The following TTC19 variants were observed in gnomAD, a reference collection of about 807,000 sequenced individuals.
TTC19 encodes tetratricopeptide repeat domain 19, also known as tetratricopeptide repeat protein 19, mitochondrial.
In TTC19, 38 loss-of-function variants were observed where a neutral mutation model predicts 49.5. The ratio of observed to expected loss-of-function variants is 0.77; its 90% confidence interval spans 0.59 to 1.01. The LOEUF is 1.01. Ranked by LOEUF, TTC19 falls within the 50% of genes least tolerant of loss-of-function variation. The pLI is 0.00. For synonymous variants in TTC19, 204 were observed against 185.2 expected, an observed-to-expected ratio of 1.10 and a Z score of -0.83; for missense variants, 475 against 477.7, an observed-to-expected ratio of 0.99 and a Z score of 0.05.
Position 16,002,003 on chromosome 17 carries a change from C to G in TTC19, c.401C>G (p.Ala134Gly). 1 of 1,612,108 alleles carries G rather than the reference C, an allele frequency of 6.2e-7. No homozygotes were observed. The highest frequency in any genetic ancestry group is 8.5e-7 in the Non-Finnish European group (1 of 1,179,460). The change falls in exon 3 of 10, where the codon GCC becomes GGC. Residue 134 changes from alanine (A) to glycine (G), a missense_variant. Physicochemically the swap from Ala to Gly is moderately conservative, Grantham distance 60 (BLOSUM62 0). Coordinates refer to ENST00000261647, the MANE Select transcript of TTC19 (RefSeq NM_017775.4). ...GCCTATCAGACTGATAACAAGAAGG[C>G]CATCACTTACACTTATGATTTGGTA... ...RLAYQTDNKK[A>G]ITYTYDLMAN...
At chr17:16,002,615 T>G (rs760255448) in intron 3 of TTC19, 178 bp from the exon 4 acceptor site, 1 of 653,388 alleles carries the variant, frequency 1.5e-6, no homozygotes, top group African/African-American at 1.8e-5. Flanking sequence ...TGTGCAAGTA[T>G]TTAATTCTCA....
intron 7 of TTC19, among the ~76,000 whole-genome samples, chr17:16,021,769 C>CT (rs1273077960): frequency 5.3e-5 from 8 of 152,074 alleles, no homozygotes; most frequent in Non-Finnish European, 1.2e-4. Flanking sequence ...ATGAGGCCTG[C>CT]TTTTTTACTG....
intron 2 of TTC19, among the ~76,000 whole-genome samples, chr17:16,036,243 C>A (rs2056341784): frequency 6.6e-6 from 1 of 152,108 alleles, no homozygotes; most frequent in South Asian, 2.1e-4. Context: ...TGTTAATGAG[C>A]AGTATTGAAA....
chr17:16,032,453 G>C, downstream of TTC19: 2 of 1,609,818 alleles, frequency 1.2e-6, no homozygotes, highest in Non-Finnish European at 1.7e-6. Flanking sequence ...CATCCGCATA[G>C]TCAGAGGGTT....
chr17:16,006,542 A>G lies in TTC19; in HGVS notation c.650A>G (p.Lys217Arg). 1 of 1,612,100 alleles carries G rather than the reference A, an allele frequency of 6.2e-7. No homozygotes were observed. Among genetic ancestry groups the G allele is most frequent in the African/African-American group, 1.3e-5 (1 of 75,040 alleles). ...STLEEKIEREKELAEDIMSVE... is the reference protein window; with the variant it reads ...STLEEKIERERELAEDIMSVE... Reference sequence around the variant, plus strand: ...CTAGAGGAAAAAATTGAAAGAGAAAAGGAATTAGCAGAAGACATTATGTCA... The same window carrying G: ...CTAGAGGAAAAAATTGAAAGAGAAAGGGAATTAGCAGAAGACATTATGTCA... Residue 217 changes from lysine (K) to arginine (R), a missense_variant, in exon 7 of 10, where the codon AAG (lysine) becomes AGG (arginine). Physicochemically the swap from Lys to Arg is conservative, Grantham distance 26. Coordinates refer to ENST00000261647, the MANE Select transcript of TTC19 (RefSeq NM_017775.4).
rs1046412437 is a variant in TTC19 at position 16,002,917 on chromosome 17, T to C, written c.462+86T>C. ...ATAGTAAGAGTACAGGCTAAGCTGC[T>C]ATAACAAAGAGACCCTAGAATATAG... On this transcript the variant is annotated intron_variant, in intron 4 of 9. Coordinates refer to ENST00000261647, the MANE Select transcript of TTC19 (RefSeq NM_017775.4). 18 of 1,261,856 alleles carry C rather than the reference T, an allele frequency of 1.4e-5. No homozygotes were observed. The Admixed American group carries it at 1.9e-4, about 13-fold the overall frequency. 78.2% of individuals were successfully genotyped at this position (1,261,856 alleles called of 1,614,324 possible).
Position 16,006,480 on chromosome 17 carries a change from A to C in TTC19, c.588A>C (p.Glu196Asp). ...TATTGATTTTGCTTTACAGACAGGA[A>C]TTTGCTGTTGCTGGCTATGAATTCT... Reference protein sequence around the residue: ...ASIYAAQNRQEFAVAGYEFCI... With the variant: ...ASIYAAQNRQDFAVAGYEFCI... The change falls in exon 7 of 10, where the codon GAA becomes GAC. Residue 196 changes from glutamate (E) to aspartate (D), a missense_variant. By Grantham distance (45) the Glu-to-Asp change is conservative (BLOSUM62 2). Coordinates refer to ENST00000261647, the MANE Select transcript of TTC19 (RefSeq NM_017775.4). 2 of 1,609,918 alleles carry C rather than the reference A, an allele frequency of 1.2e-6. No individual in the cohort carries two copies. Among genetic ancestry groups the C allele is most frequent in the Non-Finnish European group, 1.7e-6 (2 of 1,176,452 alleles).
chr17:16,005,752 C>T lies in TTC19; in HGVS notation c.582-722C>T, dbSNP rs1033556120. ...AAAGAAATATAAAATGACTAAAGCT[C>T]CTCAGAAGCTGTATGAGGTCAACAG... On this transcript the variant is annotated intron_variant, in intron 6 of 9. Transcript: ENST00000261647. Among the ~76,000 whole-genome samples the T allele has an allele frequency of 5.3e-5, 8 of 152,148 alleles. No individual in the cohort carries two copies. In the South Asian group the frequency reaches 1.2e-3, roughly 24 times the overall value.
At chr17:16,030,982 T>G (rs192735281), downstream of TTC19, 106 of 196,874 alleles carry the variant, frequency 5.4e-4, 1 homozygote, top group East Asian at 7.5e-3. Context: ...CCCAAAACTG[T>G]TAGTATCTAT....
At chr17:16,010,805 A>ATT (rs1318581999) in intron 7 of TTC19, among the ~76,000 whole-genome samples, 1 of 152,148 alleles carries the variant, frequency 6.6e-6, no homozygotes, top group Non-Finnish European at 1.5e-5. Context: ...TTCCTCTGGT[A>ATT]TTTACCTTCA....
chr17:16,019,579 G>A (rs1056764375), intron 7 of TTC19, among the ~76,000 whole-genome samples: 5 of 119,530 alleles, frequency 4.2e-5, no homozygotes, highest in African/African-American at 2.0e-4. Flanking sequence ...ACTGGGGTGA[G>A]GGGTAAGTTG....
At chr17:16,021,672 G>A (rs941726036) in intron 7 of TTC19, among the ~76,000 whole-genome samples, 2 of 152,178 alleles carry the variant, frequency 1.3e-5, no homozygotes, top group African/African-American at 4.8e-5. Flanking sequence ...ACAGGTACAA[G>A]ACTCTGAGGT....
At chr17:16,042,235 A>T (rs2057848206) in intron 2 of TTC19, among the ~76,000 whole-genome samples, 1 of 152,216 alleles carries the variant, frequency 6.6e-6, no homozygotes, top group Non-Finnish European at 1.5e-5. Context: ...GGGCCAGGTG[A>T]CAAGGTAAAT....
chr17:16,008,534 T>C (rs887885572), intron 7 of TTC19, among the ~76,000 whole-genome samples: 1 of 152,220 alleles, frequency 6.6e-6, no homozygotes, highest in Non-Finnish European at 1.5e-5. Context: ...CATCACTGTT[T>C]CAAGACCTCA....
intron 7 of TTC19, among the ~76,000 whole-genome samples, chr17:16,019,636 CCT>C (rs1971313143): frequency 6.6e-6 from 1 of 152,048 alleles, no homozygotes; most frequent in African/African-American, 2.4e-5. Context: ...TAAAGGTGGC[CCT>C]GTGTGGTTCC....
intron 2 of TTC19, among the ~76,000 whole-genome samples, chr17:16,038,662 T>C (rs2056938249): frequency 1.3e-5 from 2 of 152,144 alleles, no homozygotes; most frequent in Non-Finnish European, 2.9e-5. Context: ...GGTCTCAAAC[T>C]CCTGAGCTCA....
At chr17:16,024,905 A>T in intron 7 of TTC19, 112 bp from the exon 8 acceptor site, 1 of 971,296 alleles carries the variant, frequency 1.0e-6, no homozygotes, top group Non-Finnish European at 1.7e-6. Context: ...ACTGGATGTT[A>T]ATTCACCTAC....
rs1970932722 is a variant in TTC19 at position 16,007,085 on chromosome 17, A to T, written c.676+517A>T. On this transcript the variant is annotated intron_variant, in intron 7 of 9. Transcript: ENST00000261647. ...GGGTTGAAGTATTGAGAATTTTCAG[A>T]TTTGACATTTATTCAATACCTACTC... Among the ~76,000 whole-genome samples the T allele has an allele frequency of 4.6e-5, 7 of 152,090 alleles. No individual in the cohort carries two copies. The South Asian group carries it at 1.5e-3, about 32-fold the overall frequency.
At chr17:16,002,146 CTGAGT>C (rs2151645287) in intron 3 of TTC19, 121 bp downstream of exon 3, 2 of 765,276 alleles carry the variant, frequency 2.6e-6, no homozygotes, top group South Asian at 3.0e-5. Flanking sequence ...TTTCTTTTTA[CTGAGT>C]TTTCTTTTGG....
Sources: allele counts gnomAD v4.1 joint callset (sites outside exome capture counted in the v4.1 genomes callset), GRCh38; gene constraint gnomAD v4.1.1; transcripts MANE v1.5; gene names NCBI Gene and HGNC (gene_info 2026-07-23, HGNC 2026-07-21).